OPHN1: variants seen among roughly 807,000 people sequenced by gnomAD.
OPHN1 encodes oligophrenin 1, also known as oligophrenin-1.
A neutral mutation model predicts 60.7 loss-of-function variants in OPHN1; 11 were observed. The observed-to-expected ratio is 0.18, with a 90% CI of 0.11 to 0.30. The LOEUF (loss-of-function observed/expected upper bound fraction) is 0.30. Ranked by LOEUF, OPHN1 falls within the 10% of genes least tolerant of loss-of-function variation. OPHN1 has a pLI of 1.00. For missense variants in OPHN1, 449 were observed against 611.0 expected (o/e 0.73, Z 2.80); for synonymous variants, 226 against 222.6 (o/e 1.02, Z -0.14).
At chrX:68,055,395 ACAATGAAATAC>A (rs2076868613) in intron 21 of OPHN1, among the ~76,000 whole-genome samples, 1 of 112,398 alleles carries the variant, frequency 8.9e-6, no homozygotes, top group South Asian at 3.7e-4. Flanking sequence ...AATCAAAACC[ACAATGAAATAC>A]CATCTCACAC....
chrX:68,335,169 T>TA (rs760249906), intron 2 of OPHN1, among the ~76,000 whole-genome samples: 56 of 94,357 alleles, frequency 5.9e-4, no homozygotes, highest in South Asian at 5.9e-3. Flanking sequence ...TTCCTCTCCT[T>TA]AAAAAAAAAA....
chrX:68,063,735 A>G, intron 21 of OPHN1, 119 bp downstream of exon 21: 1 of 578,066 alleles, frequency 1.7e-6, no homozygotes, highest in East Asian at 3.6e-5. Flanking sequence ...CTGTTCCAAT[A>G]TTAGTGGTAG....
intron 5 of OPHN1, among the ~76,000 whole-genome samples, chrX:68,250,333 A>G (rs1370243991): frequency 8.9e-6 from 1 of 112,562 alleles, no homozygotes; most frequent in Non-Finnish European, 1.9e-5. Context: ...AATGCCAAGC[A>G]TGGTTTTATG....
intron 2 of OPHN1, among the ~76,000 whole-genome samples, chrX:68,426,538 T>A (rs1242063685): frequency 6.5e-5 from 2 of 30,916 alleles, no homozygotes; most frequent in Non-Finnish European, 2.1e-4. Context: ...TATATTTTTT[T>A]TCTGACATCT....
At position 68,192,969 on chromosome X, in the gene OPHN1, C is replaced by T. The variant is rs771624663; in HGVS notation, c.1226G>A (p.Arg409His). The change falls in exon 15 of 25, where the codon CGC (arginine) becomes CAC (histidine). Residue 409 changes from arginine (R) to histidine (H), a missense_variant. Transcript: ENST00000355520. ...AACCTGAATATTGCTGCCCACAGTG[C>T]GGTACAACCCTTCTGTCTTGATCCC... is the stretch of plus-strand genomic sequence containing the variant. The part of the protein sequence containing the change: ...TKGIKTEGLY[R>H]TVGSNIQVQK... 8.3e-7 allele frequency: 1 copy of T among 1,209,681 alleles called. No homozygotes were observed. Among genetic ancestry groups the T allele is most frequent in the Non-Finnish European group, 1.1e-6 (1 of 893,787 alleles).
intron 10 of OPHN1, among the ~76,000 whole-genome samples, chrX:68,203,844 C>T (rs1475517394): frequency 8.9e-6 from 1 of 112,872 alleles, no homozygotes; most frequent in African/African-American, 3.2e-5. Context: ...ATTCTGCAAA[C>T]TGCAGTTCAG....
At chrX:68,394,383 GATTAATTTCCCCTA>G (rs1042738151) in intron 2 of OPHN1, among the ~76,000 whole-genome samples, 1 of 111,345 alleles carries the variant, frequency 9.0e-6, no homozygotes, top group Non-Finnish European at 1.9e-5. Flanking sequence ...TATCTGATAA[GATTAATTTCCCCTA>G]ATTACTCTCC....
chrX:68,100,704 A>G (rs2077054767), intron 18 of OPHN1, among the ~76,000 whole-genome samples: 1 of 111,304 alleles, frequency 9.0e-6, no homozygotes, highest in Non-Finnish European at 1.9e-5. Flanking sequence ...ACAGGTCCCT[A>G]TCCCCAAGGA....
At chrX:68,279,812 C>T (rs1244308221) in intron 4 of OPHN1, among the ~76,000 whole-genome samples, 1 of 111,535 alleles carries the variant, frequency 9.0e-6, no homozygotes, top group Non-Finnish European at 1.9e-5. Flanking sequence ...GACAAAAGGG[C>T]ACAACATAAT....
At chrX:68,189,720 A>G (rs1292447117) in intron 15 of OPHN1, among the ~76,000 whole-genome samples, 1 of 111,865 alleles carries the variant, frequency 8.9e-6, no homozygotes, top group Non-Finnish European at 1.9e-5. Context: ...AAGGAATGTG[A>G]CCAACCAACC....
At chrX:68,377,759 CTCA>C (rs1362701516) in intron 2 of OPHN1, among the ~76,000 whole-genome samples, 6 of 111,263 alleles carry the variant, frequency 5.4e-5, no homozygotes, top group Non-Finnish European at 1.1e-4. Context: ...AGGACATGAA[CTCA>C]TCATTTTTTA....
intron 5 of OPHN1, among the ~76,000 whole-genome samples, chrX:68,262,729 G>C (rs2077899716): frequency 8.9e-6 from 1 of 111,994 alleles, no homozygotes; most frequent in Non-Finnish European, 1.9e-5. Context: ...GGAGGTTGCG[G>C]TGAGCTGAGA....
chrX:68,123,740 T>C (rs749312555), intron 15 of OPHN1, among the ~76,000 whole-genome samples: 1 of 110,468 alleles, frequency 9.1e-6, no homozygotes, highest in African/African-American at 3.3e-5. Context: ...ATACAATGGA[T>C]ACACAAAAAA....
intron 3 of OPHN1, among the ~76,000 whole-genome samples, chrX:68,294,501 A>AAAAAAAAT (rs1491185339): frequency 9.4e-6 from 1 of 106,669 alleles, no homozygotes; most frequent in African/African-American, 3.5e-5. Flanking sequence ...AAAAAAAAAA[A>AAAAAAAAT]AGTAAGCATA....
rs2076822469 is a variant in OPHN1, at chrX:68,043,388, A to G, written c.*3784T>C. 2 of 106,733 alleles carry G rather than the reference A, an allele frequency of 1.9e-5. No individual in the cohort carries two copies. Among genetic ancestry groups the G allele is most frequent in the African/African-American group, 6.9e-5 (2 of 29,060 alleles). The allele number at this position is 106,733 out of a possible 1,213,427, so 8.8% of individuals were successfully genotyped here. On this transcript the variant is annotated 3_prime_UTR_variant, in exon 25 of 25. Coordinates refer to ENST00000355520, the MANE Select transcript of OPHN1 (RefSeq NM_002547.3). Reference sequence around the variant, plus strand: ...GAGTATAATAAAAAAAAGAAAAAAAAAAGAAAAAAAAAGGTATCTTGATTC... The same window carrying G: ...GAGTATAATAAAAAAAAGAAAAAAAGAAGAAAAAAAAAGGTATCTTGATTC...
intron 24 of OPHN1, among the ~76,000 whole-genome samples, chrX:68,047,808 A>T (rs756489913): frequency 8.9e-6 from 1 of 112,315 alleles, no homozygotes; most frequent in Non-Finnish European, 1.9e-5. Context: ...GTTAGAACAC[A>T]TATTATCCTC....
At chrX:68,416,061 TATATATAGAGAGAGAGAGAGAGAGAGAG>T (rs1200456691) in intron 2 of OPHN1, among the ~76,000 whole-genome samples, 4 of 6,312 alleles carry the variant, frequency 6.3e-4, no homozygotes, top group Admixed American at 4.2e-3. Flanking sequence ...TATATATATA[TATATATAGAGAGAGAGAGAGAGAGAGAG>T]AGAGAGAGAG....
intron 2 of OPHN1, among the ~76,000 whole-genome samples, chrX:68,423,323 C>T (rs2078839569): frequency 1.8e-5 from 2 of 111,870 alleles, no homozygotes; most frequent in African/African-American, 6.5e-5. Flanking sequence ...CCGCGCCCAG[C>T]CATAGATGTG....
In OPHN1 at chrX:68,047,494, T is replaced by C. The variant is rs578034663; in HGVS notation, c.*9-331A>G. Among the ~76,000 whole-genome samples, 7 of 111,670 alleles carry C rather than the reference T, an allele frequency of 6.3e-5. No homozygotes were observed. The South Asian group carries it at 2.7e-3, about 43-fold the overall frequency. ...TGCCTTTATGGTCATACAATAACTA[T>C]AAACTTCCTTTTAACAGGGACTTCA... On this transcript the variant is annotated intron_variant, in intron 24 of 24. Coordinates refer to ENST00000355520, the MANE Select transcript of OPHN1 (RefSeq NM_002547.3).
Sources: allele counts gnomAD v4.1 joint callset (sites outside exome capture counted in the v4.1 genomes callset), GRCh38; gene constraint gnomAD v4.1.1; transcripts MANE v1.5; gene names NCBI Gene and HGNC (gene_info 2026-07-23, HGNC 2026-07-21).